The following ZNF354C variants were observed in gnomAD, a reference collection of about 807,000 sequenced individuals.
The protein encoded by ZNF354C is KRAB-zinc finger protein synten.
In ZNF354C, 7 loss-of-function variants were observed where a neutral mutation model predicts 12.4. The observed-to-expected ratio is 0.56, with a 90% CI of 0.32 to 1.06. The LOEUF (loss-of-function observed/expected upper bound fraction) is 1.06. Among genes scored for constraint, ZNF354C ranks in the 50% least tolerant of loss-of-function variants. The pLI is 0.04. For synonymous variants in ZNF354C, 202 were observed against 224.5 expected, an observed-to-expected ratio of 0.90 and a Z score of 0.90; for missense variants, 609 against 658.0, an observed-to-expected ratio of 0.93 and a Z score of 0.81.
At chr5:179,068,534 T>C (rs1761990023) in intron 2 of ZNF354C, among the ~76,000 whole-genome samples, 1 of 152,262 alleles carries the variant, frequency 6.6e-6, no homozygotes, top group African/African-American at 2.4e-5. Context: ...CATTTTTTTC[T>C]GAAGTTTAAT....
At chr5:179,066,701 G>A (rs1761961804) in intron 2 of ZNF354C, among the ~76,000 whole-genome samples, 1 of 152,080 alleles carries the variant, frequency 6.6e-6, no homozygotes, top group Admixed American at 6.6e-5. Flanking sequence ...TGTTGCTAAT[G>A]GGAAAATCCA....
chr5:179,064,023 C>T (rs1761928113), intron 2 of ZNF354C, among the ~76,000 whole-genome samples: 1 of 152,200 alleles, frequency 6.6e-6, no homozygotes, highest in Non-Finnish European at 1.5e-5. Flanking sequence ...ATGCAGTGCA[C>T]AGGAATATCC....
chr5:179,067,075 T>C (rs575618018), intron 2 of ZNF354C, among the ~76,000 whole-genome samples: 3 of 152,348 alleles, frequency 2.0e-5, no homozygotes, highest in African/African-American at 7.2e-5. Context: ...ATGACAGTAA[T>C]CATTTATCAT....
In ZNF354C at chr5:179,078,796, A is replaced by AT; in HGVS notation, c.366dup (p.Asn123Ter). 1 of 1,614,132 alleles carries AT rather than the reference A, an allele frequency of 6.2e-7. No homozygotes were observed. The highest frequency in any genetic ancestry group is 1.7e-4 in the Middle Eastern group (1 of 6,060). Reference sequence around the variant, plus strand: ...ATCCATTAAGGATGGTCACTGGGACATTAACTTTGAAGAAGCTGTGGAATT... The same window carrying AT: ...ATCCATTAAGGATGGTCACTGGGACATTTAACTTTGAAGAAGCTGTGGAATT... On this transcript the variant is annotated frameshift_variant, in exon 5 of 5. Transcript: ENST00000315475. LOFTEE classifies it low-confidence loss of function (END_TRUNC).
At chr5:179,071,573 A>C (rs1762052829) in intron 2 of ZNF354C, among the ~76,000 whole-genome samples, 1 of 152,178 alleles carries the variant, frequency 6.6e-6, no homozygotes. Context: ...TATTTGGAAG[A>C]AGGAATTGTC....
Position 179,060,687 on chromosome 5 carries a change from C to T in ZNF354C, c.-55+21C>T, listed in dbSNP as rs545206215. ...GCCAGGTGAGCTGGGTGCGCCGGGC[C>T]GCTGGGGTGGGGATGCCAGCCTTTT... On this transcript the variant is annotated intron_variant, in intron 1 of 4. Coordinates refer to ENST00000315475, the MANE Select transcript of ZNF354C (RefSeq NM_014594.3). The surrounding 1 kb of genome is among the most constrained non-coding windows in gnomAD (Gnocchi z 4.2). The T allele has an allele frequency of 6.6e-6, 1 of 152,574 alleles. No homozygotes were observed. The highest frequency in any genetic ancestry group is 2.4e-5 in the African/African-American group (1 of 41,588). 9.5% of individuals were successfully genotyped at this position (152,574 alleles called of 1,614,324 possible).
intron 4 of ZNF354C, among the ~76,000 whole-genome samples, chr5:179,077,602 A>C (rs11746026): frequency 0.31 from 47,823 of 152,008 alleles, 8,155 homozygotes; most frequent in South Asian, 0.49. Context: ...TCTTTGTGAT[A>C]AAATAAAAAG....
chr5:179,079,547 C>T lies in ZNF354C; in HGVS notation c.1115C>T (p.Ala372Val). ...GKGYSQFTSL[A>V]EHQRFHTGEQ... ...GGATACAGCCAGTTTACATCTCTAG[C>T]TGAACATCAGAGGTTTCATACTGGA... The change falls in exon 5 of 5, where the codon GCT becomes GTT. Residue 372 changes from alanine (A) to valine (V), a missense_variant. Coordinates refer to ENST00000315475, the MANE Select transcript of ZNF354C (RefSeq NM_014594.3). This position sits in a 1 kb window ranked among gnomAD's most constrained non-coding sequence, Gnocchi z 4.2. 1.2e-6 allele frequency: 2 copies of T among 1,614,126 alleles called. No homozygotes were observed. Among genetic ancestry groups the T allele is most frequent in the Non-Finnish European group, 1.7e-6 (2 of 1,180,030 alleles).
intron 2 of ZNF354C, among the ~76,000 whole-genome samples, chr5:179,065,292 A>G (rs1761945518): frequency 6.6e-6 from 1 of 152,202 alleles, no homozygotes; most frequent in Non-Finnish European, 1.5e-5. Context: ...AGGATTCCAC[A>G]TGACATTCAG....
chr5:179,077,063 A>T lies in ZNF354C; in HGVS notation c.155-8A>T, dbSNP rs1456113272. ...TTGTTCAAACTTCATTTGCTTCCTC[A>T]TGAGCAGGGATTCCATTTTCAATGC... On this transcript the variant is annotated splice_polypyrimidine_tract_variant and splice_region_variant and intron_variant, in intron 3 of 4. Transcript: ENST00000315475. 1.9e-6 allele frequency: 3 copies of T among 1,613,502 alleles called. No individual in the cohort carries two copies. The highest frequency in any genetic ancestry group is 1.1e-5 in the South Asian group (1 of 90,986).
In ZNF354C at chr5:179,077,074, T is replaced by G; in HGVS notation, c.158T>G (p.Ile53Ser). The G allele has an allele frequency of 6.2e-7, 1 of 1,614,102 alleles. No homozygotes were observed. The highest frequency in any genetic ancestry group is 8.5e-7 in the Non-Finnish European group (1 of 1,179,970). Residue 53 changes from isoleucine (I) to serine (S), a missense_variant, in exon 4 of 5, where the codon ATT becomes AGT. Ile to Ser is a moderately radical substitution (Grantham distance 142). Coordinates refer to ENST00000315475, the MANE Select transcript of ZNF354C (RefSeq NM_014594.3). ...TCATTTGCTTCCTCATGAGCAGGGA[T>G]TCCATTTTCAATGCCAAAGTTGATT... ...ENYSSLVSLG[I>S]PFSMPKLIHQ...
intron 2 of ZNF354C, among the ~76,000 whole-genome samples, chr5:179,070,209 T>C (rs1762030431): frequency 6.6e-6 from 1 of 152,176 alleles, no homozygotes; most frequent in African/African-American, 2.4e-5. Flanking sequence ...TGTGTGCTCC[T>C]TATGAGAATC....
intron 2 of ZNF354C, among the ~76,000 whole-genome samples, chr5:179,063,158 A>G (rs1265503803): frequency 1.3e-5 from 2 of 152,198 alleles, no homozygotes; most frequent in African/African-American, 4.8e-5. Flanking sequence ...TTCAAATCCA[A>G]GCTAGGGATG....
chr5:179,080,171 G>T lies in ZNF354C; in HGVS notation c.*74G>T, dbSNP rs751290036. ...ATAAATAGGGTACAAACTCCTAATA[G>T]ATTTGTCTTTTTTACTTCTCCTGAA... On this transcript the variant is annotated 3_prime_UTR_variant, in exon 5 of 5. Transcript: ENST00000315475. The T allele has an allele frequency of 3.9e-4, 458 of 1,173,274 alleles. No individual in the cohort carries two copies. The highest frequency in any genetic ancestry group is 5.2e-4 in the Non-Finnish European group (441 of 842,718). The allele number at this position is 1,173,274 out of a possible 1,614,324, so 72.7% of individuals were successfully genotyped here.
intron 2 of ZNF354C, among the ~76,000 whole-genome samples, chr5:179,062,987 G>A (rs1045351821): frequency 3.3e-5 from 5 of 151,872 alleles, no homozygotes; most frequent in Admixed American, 2.0e-4. Context: ...CTGTCATTCC[G>A]ACGTGGAAGT....
rs532105560 is a variant in ZNF354C at position 179,060,826 on chromosome 5, G to A, written c.-55+160G>A. 2.0e-5 allele frequency among the ~76,000 whole-genome samples: 3 copies of A among 152,294 alleles called. No individual in the cohort carries two copies. The South Asian group carries it at 6.2e-4, about 32-fold the overall frequency. ...CTCGGGTGCCAGGCACCAGACTAGCGCATCGCCCGAACGAACTCCGCGCAT... is the reference window on the plus strand; with the variant it reads ...CTCGGGTGCCAGGCACCAGACTAGCACATCGCCCGAACGAACTCCGCGCAT... On this transcript the variant is annotated intron_variant, in intron 1 of 4. Transcript: ENST00000315475. The surrounding 1 kb of genome is among the most constrained non-coding windows in gnomAD (Gnocchi z 4.2).
chr5:179,077,087 G>A lies in ZNF354C; in HGVS notation c.171G>A (p.Met57Ile). 1 of 1,614,174 alleles carries A rather than the reference G, an allele frequency of 6.2e-7. No individual in the cohort carries two copies. The change falls in exon 4 of 5, where the codon ATG becomes ATA. Residue 57 changes from methionine (M) to isoleucine (I), a missense_variant. Transcript: ENST00000315475. ...SLVSLGIPFS[M>I]PKLIHQLQQG... Reference sequence around the variant, plus strand: ...CATGAGCAGGGATTCCATTTTCAATGCCAAAGTTGATTCATCAGTTGCAGC... The same window carrying A: ...CATGAGCAGGGATTCCATTTTCAATACCAAAGTTGATTCATCAGTTGCAGC...
At position 179,077,067 on chromosome 5, in the gene ZNF354C, G is replaced by A. The variant is rs199961435; in HGVS notation, c.155-4G>A. The A allele has an allele frequency of 6.2e-7, 1 of 1,613,788 alleles. No individual in the cohort carries two copies. The highest frequency in any genetic ancestry group is 1.7e-5 in the Admixed American group (1 of 60,008). On this transcript the variant is annotated splice_polypyrimidine_tract_variant and splice_region_variant and intron_variant, in intron 3 of 4. Transcript: ENST00000315475. The stretch of plus-strand genomic sequence containing the variant: ...TCAAACTTCATTTGCTTCCTCATGA[G>A]CAGGGATTCCATTTTCAATGCCAAA...
chr5:179,062,176 A>G (rs377517206), intron 2 of ZNF354C, 81 bp downstream of exon 2: 103 of 1,588,738 alleles, frequency 6.5e-5, no homozygotes, highest in Non-Finnish European at 6.8e-5. Context: ...GACTTTGTCC[A>G]GGTACTTTTT....
Sources: allele counts gnomAD v4.1 joint callset (sites outside exome capture counted in the v4.1 genomes callset), GRCh38; gene constraint gnomAD v4.1.1; non-coding constraint Gnocchi (gnomAD v3.1); transcripts MANE v1.5; gene names NCBI Gene and HGNC (gene_info 2026-07-23, HGNC 2026-07-21).